PRKD1: variants seen among roughly 807,000 people sequenced by gnomAD.
PRKD1 encodes serine/threonine-protein kinase D1.
PRKD1 carries 63 observed loss-of-function variants against 95.9 expected under a neutral mutation model. The ratio of observed to expected loss-of-function variants is 0.66; its 90% CI spans 0.54 to 0.81. The LOEUF (loss-of-function observed/expected upper bound fraction) is 0.81, where lower values mean the gene tolerates loss of function less well. PRKD1 is among the 30% of genes least tolerant of loss of function. The pLI, the probability that PRKD1 is intolerant of heterozygous loss-of-function variation, is 0.00. For synonymous variants in PRKD1, 425 were observed against 423.1 expected, an observed-to-expected ratio of 1.00 and a Z score of -0.05; for missense variants, 1,048 against 1,165.3, an observed-to-expected ratio of 0.90 and a Z score of 1.47.
At chr14:29,817,810 TAAAG>T (rs1481466224) in intron 1 of PRKD1, among the ~76,000 whole-genome samples, 4 of 151,822 alleles carry the variant, frequency 2.6e-5, no homozygotes, top group African/African-American at 4.8e-5. Flanking sequence ...AAAAATCCAA[TAAAG>T]AAAGAAAAGA....
Position 29,616,540 on chromosome 14 carries a change from C to T in PRKD1, c.1905+7612G>A, listed in dbSNP as rs546780925. 2.6e-5 allele frequency among the ~76,000 whole-genome samples: 4 copies of T among 152,012 alleles called. No individual in the cohort carries two copies. In the East Asian group the frequency reaches 7.8e-4, roughly 29 times the overall value. ...CTCACTGCAGCCTTGAATTCCCAGG[C>T]TCAAGTGATCCTCCTGCCTCAGCCA... On this transcript the variant is annotated intron_variant, in intron 13 of 17. Transcript: ENST00000331968.
intron 8 of PRKD1, 75 bp from the exon 9 acceptor site, chr14:29,633,021 T>A: frequency 7.5e-7 from 1 of 1,340,588 alleles, no homozygotes; most frequent in Non-Finnish European, 1.1e-6. Flanking sequence ...TAAATAGATT[T>A]CCCCAATAGG....
chr14:29,796,715 T>C (rs2139207328), intron 1 of PRKD1, among the ~76,000 whole-genome samples: 1 of 152,276 alleles, frequency 6.6e-6, no homozygotes, highest in South Asian at 2.1e-4. Flanking sequence ...AACACTAACC[T>C]ACTGATATAG....
intron 4 of PRKD1, among the ~76,000 whole-genome samples, chr14:29,660,820 GATAA>G (rs1236188655): frequency 6.6e-6 from 1 of 151,844 alleles, no homozygotes; most frequent in Non-Finnish European, 1.5e-5. Flanking sequence ...GATATAATTT[GATAA>G]ATATACTTAT....
At chr14:29,717,005 G>T (rs1195189176) in intron 2 of PRKD1, among the ~76,000 whole-genome samples, 1 of 152,010 alleles carries the variant, frequency 6.6e-6, no homozygotes, top group Non-Finnish European at 1.5e-5. Context: ...AGAAAAAGAA[G>T]AATTAATCAG....
In PRKD1 at chr14:29,927,265, G is replaced by C. The variant is rs570120351; in HGVS notation, c.248C>G (p.Ser83Cys). 1.8e-5 allele frequency: 28 copies of C among 1,520,270 alleles called. No individual in the cohort carries two copies. Among genetic ancestry groups the C allele is most frequent in the Non-Finnish European group, 2.2e-5 (25 of 1,134,638 alleles). 94.2% of individuals were successfully genotyped at this position (1,520,270 alleles called of 1,614,324 possible). Residue 83 changes from serine (S) to cysteine (C), a missense_variant, in exon 1 of 18, where the codon TCC becomes TGC. By Grantham distance (112) the Ser-to-Cys change is moderately radical. This residue lies in a region of PRKD1 where 275 missense variants were observed against 248.6 expected (regional missense o/e 1.11). Coordinates refer to ENST00000331968, the MANE Select transcript of PRKD1 (RefSeq NM_002742.3). ...SLAHVREMAC[S>C]IVDQKFPECG... ...GCGACTTACCTTCTGGTCGACAATG[G>C]AGCAAGCCATCTCGCGGACGTGCGC... is the stretch of plus-strand genomic sequence containing the variant.
At chr14:29,897,086 T>C (rs1894160367) in intron 1 of PRKD1, among the ~76,000 whole-genome samples, 1 of 152,018 alleles carries the variant, frequency 6.6e-6, no homozygotes, top group Admixed American at 6.5e-5. Context: ...AAGAGTATCT[T>C]TCTAGATTTC....
At chr14:29,642,192 C>T (rs1276102193) in intron 4 of PRKD1, among the ~76,000 whole-genome samples, 4 of 152,066 alleles carry the variant, frequency 2.6e-5, no homozygotes, top group Admixed American at 2.6e-4. Context: ...GCATGAGCCA[C>T]TGCGCCTGGC....
At chr14:29,830,382 C>A (rs780290210) in intron 1 of PRKD1, among the ~76,000 whole-genome samples, 11 of 152,082 alleles carry the variant, frequency 7.2e-5, no homozygotes, top group Admixed American at 3.3e-4. Flanking sequence ...TGTCTTTGTA[C>A]AATTAAATTA....
chr14:29,701,057 T>C (rs1566548073), intron 2 of PRKD1, among the ~76,000 whole-genome samples: 1 of 152,058 alleles, frequency 6.6e-6, no homozygotes, highest in African/African-American at 2.4e-5. Context: ...AGTTCAGAAC[T>C]GTGTACTTCA....
intron 2 of PRKD1, among the ~76,000 whole-genome samples, chr14:29,690,332 G>A (rs1023129491): frequency 6.6e-6 from 1 of 152,048 alleles, no homozygotes; most frequent in African/African-American, 2.4e-5. Flanking sequence ...GCCTTCAATG[G>A]AATATATTCA....
chr14:29,826,657 GTGTGTGTATATA>G (rs1466554658), intron 1 of PRKD1, among the ~76,000 whole-genome samples: 3 of 33,774 alleles, frequency 8.9e-5, no homozygotes, highest in East Asian at 4.1e-3. Flanking sequence ...ATATATGTGT[GTGTGTGTATATA>G]TGTGTATATA....
At chr14:29,743,409 T>A (rs1029542707) in intron 1 of PRKD1, among the ~76,000 whole-genome samples, 6 of 151,972 alleles carry the variant, frequency 3.9e-5, no homozygotes, top group African/African-American at 1.5e-4. Flanking sequence ...ACATGGTATT[T>A]TATATATATA....
intron 1 of PRKD1, among the ~76,000 whole-genome samples, chr14:29,860,927 C>A (rs892008570): frequency 1.3e-5 from 2 of 152,128 alleles, no homozygotes; most frequent in South Asian, 4.1e-4. Context: ...CTTTATCTTC[C>A]CCAATTATGG....
Position 29,666,218 on chromosome 14 carries a change from T to C in PRKD1, c.404-10A>G, listed in dbSNP as rs914157658. The C allele has an allele frequency of 2.5e-6, 4 of 1,582,062 alleles. No individual in the cohort carries two copies. The highest frequency in any genetic ancestry group is 3.4e-5 in the Admixed American group (2 of 59,542). ...TCAAAGGTGGCGGAAGCTGTAAAAA[T>C]AGTGATGTTGAAAAGTAAGTTGAAT... On this transcript the variant is annotated splice_polypyrimidine_tract_variant and intron_variant, in intron 2 of 17. Transcript: ENST00000331968.
chr14:29,925,062 C>G (rs1279725548), intron 1 of PRKD1, among the ~76,000 whole-genome samples: 1 of 151,732 alleles, frequency 6.6e-6, no homozygotes, highest in Non-Finnish European at 1.5e-5. Context: ...TTTTTATAAC[C>G]TAAAAAAAAA....
At chr14:29,663,948 G>T (rs2139212568) in intron 3 of PRKD1, 89 bp from the exon 4 acceptor site, 1 of 1,266,422 alleles carries the variant, frequency 7.9e-7, no homozygotes, top group African/African-American at 1.5e-5. Flanking sequence ...TTAAAAAATA[G>T]TACAGCTTCC....
At chr14:29,857,029 T>C (rs1167805228) in intron 1 of PRKD1, among the ~76,000 whole-genome samples, 1 of 152,198 alleles carries the variant, frequency 6.6e-6, no homozygotes, top group African/African-American at 2.4e-5. Flanking sequence ...CAACTGCATT[T>C]ACTAGCCCTG....
intron 1 of PRKD1, among the ~76,000 whole-genome samples, chr14:29,823,667 T>C (rs1350675854): frequency 6.6e-6 from 1 of 152,186 alleles, no homozygotes; most frequent in Non-Finnish European, 1.5e-5. Context: ...AAGCCCACTT[T>C]TGAAAAGCTC....
Sources: allele counts gnomAD v4.1 joint callset (sites outside exome capture counted in the v4.1 genomes callset), GRCh38; gene constraint gnomAD v4.1.1; regional missense constraint gnomAD v4.1.1; transcripts MANE v1.5; gene names NCBI Gene and HGNC (gene_info 2026-07-23, HGNC 2026-07-21).